SLC14A2: variants seen among roughly 807,000 people sequenced by gnomAD.
SLC14A2 encodes the protein solute carrier family 14 member 2.
Under a neutral mutation model 104.6 loss-of-function variants are expected in SLC14A2, and 91 were observed. That is an observed-to-expected ratio of 0.87 (90% CI 0.73 to 1.04). The LOEUF is 1.04. SLC14A2 is among the 50% of genes least tolerant of loss of function. The pLI is 0.00. For synonymous variants in SLC14A2, 476 were observed against 466.4 expected, an observed-to-expected ratio of 1.02 and a Z score of -0.27; for missense variants, 1,189 against 1,156.0, an observed-to-expected ratio of 1.03 and a Z score of -0.41.
At chr18:45,468,716 G>C (rs2087189106) in intron 1 of SLC14A2, among the ~76,000 whole-genome samples, 1 of 152,184 alleles carries the variant, frequency 6.6e-6, no homozygotes. Context: ...ACCTGGAAGG[G>C]AAGAAGCCGT....
chr18:45,572,010 C>G (rs1425751013), intron 2 of SLC14A2, among the ~76,000 whole-genome samples: 1 of 152,132 alleles, frequency 6.6e-6, no homozygotes, highest in East Asian at 1.9e-4. Context: ...CCAATTAAAC[C>G]AAAATCTCTG....
chr18:45,404,369 C>A (rs943241642), intron 1 of SLC14A2, among the ~76,000 whole-genome samples: 1 of 152,164 alleles, frequency 6.6e-6, no homozygotes, highest in Non-Finnish European at 1.5e-5. Context: ...CAGTACCCAC[C>A]TGTGTAAGAC....
chr18:45,283,804 C>T (rs2084787147), intron 1 of SLC14A2, among the ~76,000 whole-genome samples: 1 of 152,138 alleles, frequency 6.6e-6, no homozygotes, highest in African/African-American at 2.4e-5. Flanking sequence ...GTCTTACACT[C>T]TCCCAGAGCC....
chr18:45,641,367 AC>A (rs1433868015), intron 8 of SLC14A2, 24 bp downstream of exon 8: 1 of 1,613,794 alleles, frequency 6.2e-7, no homozygotes, highest in Admixed American at 1.7e-5. Context: ...AAAGCTGACA[AC>A]CAGGTTATTC....
chr18:45,527,692 A>G (rs182725131), intron 2 of SLC14A2, among the ~76,000 whole-genome samples: 42 of 152,310 alleles, frequency 2.8e-4, no homozygotes, highest in African/African-American at 7.9e-4. Flanking sequence ...CGTTTGTTCT[A>G]AGTCTATTTT....
At chr18:45,443,698 G>A (rs1372521106) in intron 1 of SLC14A2, among the ~76,000 whole-genome samples, 1 of 152,166 alleles carries the variant, frequency 6.6e-6, no homozygotes, top group African/African-American at 2.4e-5. Context: ...CTAGCCTTGG[G>A]AAGAATGAGA....
At chr18:45,395,780 G>C (rs2086023123) in intron 1 of SLC14A2, among the ~76,000 whole-genome samples, 3 of 152,104 alleles carry the variant, frequency 2.0e-5, no homozygotes, top group East Asian at 1.9e-4. Flanking sequence ...AAGCTAAATA[G>C]TTTTTCTCTG....
chr18:45,338,705 A>AAC (rs1464573909), intron 1 of SLC14A2, among the ~76,000 whole-genome samples: 10 of 141,966 alleles, frequency 7.0e-5, no homozygotes, highest in African/African-American at 1.5e-4. Context: ...AAAAAAAAAA[A>AAC]AAAAAAACTC....
At chr18:45,246,254 G>A (rs1400433615) in intron 1 of SLC14A2, among the ~76,000 whole-genome samples, 1 of 152,076 alleles carries the variant, frequency 6.6e-6, no homozygotes, top group African/African-American at 2.4e-5. Flanking sequence ...GGAGGCCTCG[G>A]GACAAAACCT....
intron 2 of SLC14A2, among the ~76,000 whole-genome samples, chr18:45,538,709 A>C (rs1025555282): frequency 7.9e-5 from 12 of 152,180 alleles, no homozygotes; most frequent in African/African-American, 2.7e-4. Context: ...AGTCACACAC[A>C]TCAACCCTGC....
At chr18:45,456,594 C>T (rs891621829) in intron 1 of SLC14A2, among the ~76,000 whole-genome samples, 1 of 152,212 alleles carries the variant, frequency 6.6e-6, no homozygotes, top group Non-Finnish European at 1.5e-5. Context: ...GCAATGTGTT[C>T]TCACACTGCA....
intron 1 of SLC14A2, among the ~76,000 whole-genome samples, chr18:45,300,721 CT>C (rs1166301811): frequency 1.3e-5 from 2 of 152,186 alleles, no homozygotes; most frequent in African/African-American, 4.8e-5. Flanking sequence ...CTGAGCATCT[CT>C]GAGGTAGGTT....
chr18:45,186,996 T>TAATCC, the SLC14A2 span, among the ~76,000 whole-genome samples: 1 of 152,152 alleles, frequency 6.6e-6, no homozygotes, highest in Admixed American at 6.5e-5. Flanking sequence ...TCTGCCAGGA[T>TAATCC]AATCCCCTGC....
intron 1 of SLC14A2, among the ~76,000 whole-genome samples, chr18:45,470,886 C>T (rs887341865): frequency 2.0e-5 from 3 of 152,162 alleles, no homozygotes; most frequent in Admixed American, 1.3e-4. Flanking sequence ...GCTACCTTCT[C>T]ATTCCCTTCA....
At chr18:45,351,772 T>G (rs530471618) in intron 1 of SLC14A2, among the ~76,000 whole-genome samples, 1 of 152,040 alleles carries the variant, frequency 6.6e-6, no homozygotes, top group Non-Finnish European at 1.5e-5. Flanking sequence ...ACAACCTACA[T>G]GGAGAGATGA....
In SLC14A2 at chr18:45,682,791, T is replaced by C; in HGVS notation, c.*272T>C. ...CTTGCCCTCTTCTGCGAAATAAGCC[T>C]CATCCTTAAAGAGAAGTCACCGGCC... On this transcript the variant is annotated 3_prime_UTR_variant, in exon 20 of 20. Coordinates refer to ENST00000255226, the MANE Select transcript of SLC14A2 (RefSeq NM_007163.4). 1 of 399,932 alleles carries C rather than the reference T, an allele frequency of 2.5e-6. No individual in the cohort carries two copies. Among genetic ancestry groups the C allele is most frequent in the Non-Finnish European group, 4.7e-6 (1 of 211,656 alleles). 24.8% of individuals were successfully genotyped at this position (399,932 alleles called of 1,614,324 possible). A position where few individuals can be genotyped will look rare whatever the true frequency, so the allele number is the denominator to read the frequency against.
intron 1 of SLC14A2, among the ~76,000 whole-genome samples, chr18:45,622,439 C>T (rs7232775): frequency 0.76 from 115,644 of 151,990 alleles, 44,572 homozygotes; most frequent in African/African-American, 0.88. Flanking sequence ...CAAATTAAGG[C>T]ACTTGGAACG....
At chr18:45,648,357 C>T (rs2045662326) in intron 10 of SLC14A2, among the ~76,000 whole-genome samples, 2 of 152,014 alleles carry the variant, frequency 1.3e-5, no homozygotes, top group Non-Finnish European at 2.9e-5. Context: ...AGGCACCCGC[C>T]ACCACGACCA....
chr18:45,462,337 C>A (rs949481793), intron 1 of SLC14A2, among the ~76,000 whole-genome samples: 1 of 152,172 alleles, frequency 6.6e-6, no homozygotes, highest in African/African-American at 2.4e-5. Flanking sequence ...GGGAACCAAG[C>A]CCTGGTTTCC....
Sources: gnomAD v4.1 joint callset for allele counts (sites outside exome capture counted in the v4.1 genomes callset) on GRCh38, gnomAD v4.1.1 for gene constraint, MANE v1.5 for transcripts, NCBI Gene and HGNC (gene_info 2026-07-23, HGNC 2026-07-21) for gene names.